Variants in CATSPERB observed in about 807,000 individuals in gnomAD.
The protein encoded by CATSPERB is cation channel sperm-associated auxiliary subunit beta.
CATSPERB carries 93 observed loss-of-function variants against 128.3 expected under a neutral mutation model. The ratio of observed to expected loss-of-function variants is 0.72; its 90% CI spans 0.61 to 0.86. The LOEUF is 0.86. Ranked by LOEUF, CATSPERB falls within the 40% of genes least tolerant of loss-of-function variation. The pLI, the probability that CATSPERB is intolerant of heterozygous loss-of-function variation, is 0.00. For synonymous variants in CATSPERB, 381 were observed against 448.8 expected, an observed-to-expected ratio of 0.85 and a Z score of 1.91; for missense variants, 1,153 against 1,329.5, an observed-to-expected ratio of 0.87 and a Z score of 2.06.
chr14:91,674,127 C>A lies in CATSPERB; in HGVS notation c.978+49G>T, dbSNP rs201246788. ...AGATTAATCCCAATCCATGAAGTCC[C>A]CAATCCCACAACAAAATTTCTTAAC... On this transcript the variant is annotated intron_variant, in intron 12 of 26. Coordinates refer to ENST00000256343, the MANE Select transcript of CATSPERB (RefSeq NM_024764.4). 3,359 of 1,086,840 alleles carry A rather than the reference C, an allele frequency of 3.1e-3. 8 individuals are homozygous for A. Among genetic ancestry groups the A allele is most frequent in the Non-Finnish European group, 3.3e-3 (2,417 of 724,802 alleles). 67.3% of individuals were successfully genotyped at this position (1,086,840 alleles called of 1,614,324 possible). A position where few individuals can be genotyped will look rare whatever the true frequency, so the allele number is the denominator to read the frequency against.
chr14:91,629,002 G>A (rs558807197), intron 17 of CATSPERB, among the ~76,000 whole-genome samples: 3 of 152,240 alleles, frequency 2.0e-5, no homozygotes, highest in African/African-American at 7.2e-5. Flanking sequence ...ATACAATCAA[G>A]CAAAATGCCT....
At chr14:91,667,309 G>A (rs910007909) in intron 14 of CATSPERB, among the ~76,000 whole-genome samples, 7 of 152,236 alleles carry the variant, frequency 4.6e-5, no homozygotes, top group Non-Finnish European at 1.0e-4. Context: ...TCAAAAAGGG[G>A]AAGGAGAGAG....
intron 17 of CATSPERB, among the ~76,000 whole-genome samples, chr14:91,631,956 G>T (rs1006909443): frequency 6.6e-6 from 1 of 151,758 alleles, no homozygotes; most frequent in East Asian, 1.9e-4. Flanking sequence ...GGGTGTAAAA[G>T]TCCCAATCAA....
chr14:91,703,041 T>C (rs972821913), intron 7 of CATSPERB, among the ~76,000 whole-genome samples: 1 of 152,104 alleles, frequency 6.6e-6, no homozygotes, highest in Admixed American at 6.5e-5. Context: ...CCTTCTAGCA[T>C]ACCCATATTT....
At chr14:91,684,424 A>G (rs1895339567) in intron 10 of CATSPERB, among the ~76,000 whole-genome samples, 1 of 152,174 alleles carries the variant, frequency 6.6e-6, no homozygotes, top group Non-Finnish European at 1.5e-5. Context: ...GTTGGATATT[A>G]ATTAAATGCA....
Position 91,627,347 on chromosome 14 carries a change from C to CCT in CATSPERB, c.1743-2342_1743-2341dup, listed in dbSNP as rs560459930. 9.9e-4 allele frequency among the ~76,000 whole-genome samples: 150 copies of CCT among 152,236 alleles called. 1 individual carries two copies. Among genetic ancestry groups the CCT allele is most frequent in the African/African-American group, 3.6e-3 (148 of 41,552 alleles). ...AAACTGTAGGGGAAGGGAGAAGAAACCTCTTTTTCCTCTATTCTCCTTGGT... is the reference window on the plus strand; with the variant it reads ...AAACTGTAGGGGAAGGGAGAAGAAACCTCTCTTTTTCCTCTATTCTCCTTGGT... On this transcript the variant is annotated intron_variant, in intron 17 of 26. Transcript: ENST00000256343.
intron 20 of CATSPERB, among the ~76,000 whole-genome samples, chr14:91,611,184 A>C (rs1255076860): frequency 6.6e-6 from 1 of 152,240 alleles, no homozygotes; most frequent in Non-Finnish European, 1.5e-5. Flanking sequence ...GACATGACAG[A>C]AGTAGAAAAA....
chr14:91,612,997 A>T (rs1486888166), intron 20 of CATSPERB, among the ~76,000 whole-genome samples: 1 of 152,244 alleles, frequency 6.6e-6, no homozygotes, highest in Non-Finnish European at 1.5e-5. Flanking sequence ...GTTTTATCTC[A>T]GTTCAAACAA....
intron 18 of CATSPERB, among the ~76,000 whole-genome samples, chr14:91,623,083 CG>C (rs1894085138): frequency 6.6e-6 from 1 of 151,830 alleles, no homozygotes; most frequent in African/African-American, 2.4e-5. Context: ...TTAGTAGAGA[CG>C]GGGTTTCACC....
intron 17 of CATSPERB, among the ~76,000 whole-genome samples, chr14:91,625,511 C>T (rs144405708): frequency 1.1e-4 from 17 of 152,208 alleles, no homozygotes; most frequent in East Asian, 3.9e-4. Context: ...ACATGATTTA[C>T]TTAGAGAAAA....
At chr14:91,654,819 C>G (rs893254392) in intron 15 of CATSPERB, among the ~76,000 whole-genome samples, 4 of 152,170 alleles carry the variant, frequency 2.6e-5, no homozygotes, top group African/African-American at 9.7e-5. Context: ...TGTGCTGGCT[C>G]TGGGTTTGAC....
rs1056733025 is a variant in CATSPERB, at chr14:91,605,265, A to C, written c.2709+3029T>G. The C allele has an allele frequency of 9.0e-5, 111 of 1,231,512 alleles. 2 individuals are homozygous for C. Among genetic ancestry groups the C allele is most frequent in the Middle Eastern group, 8.0e-4 (3 of 3,740 alleles). 76.3% of individuals were successfully genotyped at this position (1,231,512 alleles called of 1,614,324 possible). ...ACAGGTGTAAGTGAAGAGTCTTTACAGACGGATGCGTTGGAGCAAGGCAGG... is the reference window on the plus strand; with the variant it reads ...ACAGGTGTAAGTGAAGAGTCTTTACCGACGGATGCGTTGGAGCAAGGCAGG... On this transcript the variant is annotated intron_variant, in intron 22 of 26. Transcript: ENST00000256343.
chr14:91,725,499 G>A (rs1158387125), intron 2 of CATSPERB, among the ~76,000 whole-genome samples: 1 of 152,150 alleles, frequency 6.6e-6, no homozygotes, highest in Non-Finnish European at 1.5e-5. Flanking sequence ...ATCAGCAACT[G>A]CAGAGAAAAT....
chr14:91,594,036 C>A (rs962424358), intron 22 of CATSPERB, among the ~76,000 whole-genome samples: 1 of 152,152 alleles, frequency 6.6e-6, no homozygotes, highest in African/African-American at 2.4e-5. Flanking sequence ...GTAAGAAGTG[C>A]CTTTTGCATT....
chr14:91,729,654 C>A (rs553459275), intron 1 of CATSPERB, among the ~76,000 whole-genome samples, 175 bp from the exon 2 acceptor site: 4 of 152,250 alleles, frequency 2.6e-5, no homozygotes, highest in African/African-American at 9.6e-5. Flanking sequence ...TTACTCCCTA[C>A]TTGGTATTAA....
At chr14:91,601,881 C>A (rs1267181361) in intron 22 of CATSPERB, among the ~76,000 whole-genome samples, 1 of 151,870 alleles carries the variant, frequency 6.6e-6, no homozygotes, top group Non-Finnish European at 1.5e-5. Flanking sequence ...TTATATAAAT[C>A]AATAGTACAG....
At chr14:91,619,196 ACT>A (rs1392546732) in intron 19 of CATSPERB, among the ~76,000 whole-genome samples, 1 of 152,232 alleles carries the variant, frequency 6.6e-6, no homozygotes, top group Non-Finnish European at 1.5e-5. Context: ...TAAATTGTAT[ACT>A]AAGATAAAGT....
chr14:91,620,141 CT>C (rs1411673332), intron 19 of CATSPERB, among the ~76,000 whole-genome samples: 1 of 152,092 alleles, frequency 6.6e-6, no homozygotes, highest in Admixed American at 6.6e-5. Context: ...GTGATACAGT[CT>C]TGAAGTTTTG....
chr14:91,689,066 G>C (rs867374308), intron 10 of CATSPERB, among the ~76,000 whole-genome samples: 1 of 152,162 alleles, frequency 6.6e-6, no homozygotes, highest in South Asian at 2.1e-4. Context: ...AGCCCTCTGG[G>C]CTGCCATGCC....
Sources: allele counts gnomAD v4.1 joint callset (sites outside exome capture counted in the v4.1 genomes callset), GRCh38; gene constraint gnomAD v4.1.1; transcripts MANE v1.5; gene names NCBI Gene and HGNC (gene_info 2026-07-23, HGNC 2026-07-21).